Variants in TENM1 observed in about 807,000 individuals in gnomAD.
TENM1 encodes the protein teneurin transmembrane protein 1.
In TENM1, 35 loss-of-function variants were observed where a neutral mutation model predicts 174.8. The ratio of observed to expected loss-of-function variants is 0.20; its 90% CI spans 0.15 to 0.27. TENM1 has a LOEUF of 0.27. Among genes scored for constraint, TENM1 ranks in the 10% least tolerant of loss-of-function variants. TENM1 has a pLI of 1.00. For synonymous variants in TENM1, 781 were observed against 798.7 expected (o/e 0.98, Z 0.37); for missense variants, 1,633 against 2,130.1 (o/e 0.77, Z 4.59).
intron 3 of TENM1, among the ~76,000 whole-genome samples, chrX:124,756,971 C>G (rs1280186399): frequency 1.8e-5 from 2 of 112,182 alleles, no homozygotes; most frequent in African/African-American, 6.5e-5. Context: ...GGCAGTCTGC[C>G]CGTTCTCAGA....
Position 124,910,412 on chromosome X carries a change from A to G in TENM1, c.218-14171T>C, listed in dbSNP as rs745541412. Among the ~76,000 whole-genome samples, 15 of 112,312 alleles carry G rather than the reference A, an allele frequency of 1.3e-4. No homozygotes were observed. The South Asian group carries it at 5.6e-3, about 42-fold the overall frequency. ...ACACATTTTGGAAGGATGTGCAGGT[A>G]AAACAATCTATGAGGATTGCCCAAG... is the stretch of plus-strand genomic sequence containing the variant. On this transcript the variant is annotated intron_variant, in intron 1 of 31. Coordinates refer to ENST00000422452, the Ensembl canonical transcript of TENM1.
At chrX:125,159,105 A>T in the TENM1 span, among the ~76,000 whole-genome samples, 18 of 111,923 alleles carry the variant, frequency 1.6e-4, no homozygotes, top group Admixed American at 1.3e-3. Context: ...CAGTCAAAAA[A>T]GAAATTGGGT....
At chrX:124,827,527 G>C (rs1459167803) in intron 3 of TENM1, among the ~76,000 whole-genome samples, 2 of 111,818 alleles carry the variant, frequency 1.8e-5, no homozygotes, top group Non-Finnish European at 3.8e-5. Context: ...AAGTGAATCT[G>C]AGGAAATCCT....
At chrX:124,973,004 A>G in the TENM1 span, among the ~76,000 whole-genome samples, 1 of 112,389 alleles carries the variant, frequency 8.9e-6, no homozygotes, top group African/African-American at 3.2e-5. Context: ...GGACACAACT[A>G]GTTAGAGCTT....
At chrX:125,092,760 C>A in the TENM1 span, among the ~76,000 whole-genome samples, 1 of 111,874 alleles carries the variant, frequency 8.9e-6, no homozygotes, top group Non-Finnish European at 1.9e-5. Flanking sequence ...AATTAGCAAC[C>A]AACACACAGA....
chrX:124,583,869 C>T (rs1216248848), intron 11 of TENM1, among the ~76,000 whole-genome samples: 2 of 104,447 alleles, frequency 1.9e-5, no homozygotes, highest in South Asian at 4.7e-4. Flanking sequence ...AACCAAGGCT[C>T]GAGAACTACG....
At chrX:124,918,265 C>T (rs958424127) in intron 1 of TENM1, among the ~76,000 whole-genome samples, 2 of 109,549 alleles carry the variant, frequency 1.8e-5, no homozygotes, top group African/African-American at 6.7e-5. Context: ...TTGCAATCTC[C>T]GCCTCCCAGG....
At chrX:125,051,004 A>T in the TENM1 span, among the ~76,000 whole-genome samples, 1 of 112,120 alleles carries the variant, frequency 8.9e-6, no homozygotes, top group African/African-American at 3.2e-5. Context: ...GCAAAGTCTC[A>T]GGATACAAAA....
At chrX:125,191,139 T>G in the TENM1 span, among the ~76,000 whole-genome samples, 3 of 111,731 alleles carry the variant, frequency 2.7e-5, no homozygotes, top group Non-Finnish European at 5.7e-5. Context: ...GAAATGAAGT[T>G]TTTTCTTTAT....
chrX:124,495,818 C>T (rs2047186810), intron 20 of TENM1, among the ~76,000 whole-genome samples: 1 of 102,835 alleles, frequency 9.7e-6, no homozygotes, highest in Non-Finnish European at 2.0e-5. Context: ...AGATTCAATG[C>T]CATCCCCATC....
chrX:124,504,000 G>A (rs1228209954), intron 18 of TENM1, among the ~76,000 whole-genome samples: 2 of 111,607 alleles, frequency 1.8e-5, no homozygotes, highest in East Asian at 5.6e-4. Flanking sequence ...CTTTTGGGTT[G>A]GAGGCTGTGC....
At chrX:125,184,556 A>G in the TENM1 span, among the ~76,000 whole-genome samples, 4 of 111,820 alleles carry the variant, frequency 3.6e-5, no homozygotes, top group African/African-American at 1.3e-4. Context: ...TTTCTGATAC[A>G]GACTAATATC....
chrX:124,712,272 G>A (rs1057012158), intron 4 of TENM1, among the ~76,000 whole-genome samples: 9 of 110,908 alleles, frequency 8.1e-5, no homozygotes, highest in African/African-American at 3.0e-4. Context: ...CTTCCATACC[G>A]TTTTCCATAG....
At chrX:124,945,271 T>G (rs933490452) in intron 1 of TENM1, among the ~76,000 whole-genome samples, 1 of 111,036 alleles carries the variant, frequency 9.0e-6, no homozygotes, top group African/African-American at 3.3e-5. Flanking sequence ...AACAGAATGG[T>G]TGAGAAAGAG....
chrX:125,051,376 G>A, the TENM1 span, among the ~76,000 whole-genome samples: 4 of 109,281 alleles, frequency 3.7e-5, no homozygotes, highest in Admixed American at 9.7e-5. Flanking sequence ...AAAAGAGCCC[G>A]CATCGCCAAG....
chrX:124,620,429 TA>T (rs896781268), intron 11 of TENM1, among the ~76,000 whole-genome samples: 2 of 112,381 alleles, frequency 1.8e-5, no homozygotes, highest in African/African-American at 3.2e-5. Context: ...ATCTTTCCGT[TA>T]ATTCTGTACA....
the TENM1 span, among the ~76,000 whole-genome samples, chrX:125,108,725 T>C: frequency 1.1e-5 from 1 of 94,553 alleles, no homozygotes; most frequent in Non-Finnish European, 2.0e-5. Flanking sequence ...AATGATTATA[T>C]ATATATATAC....
At chrX:124,492,013 A>T (rs1174445156) in intron 20 of TENM1, among the ~76,000 whole-genome samples, 3 of 111,930 alleles carry the variant, frequency 2.7e-5, no homozygotes, top group African/African-American at 9.7e-5. Context: ...ATGCTCAAGT[A>T]TAAACCTGAA....
At chrX:125,078,851 C>A in the TENM1 span, among the ~76,000 whole-genome samples, 1 of 111,787 alleles carries the variant, frequency 8.9e-6, no homozygotes, top group Non-Finnish European at 1.9e-5. Flanking sequence ...CCAATATATT[C>A]TGAATGCTTA....
Sources: allele counts gnomAD v4.1 joint callset (sites outside exome capture counted in the v4.1 genomes callset), GRCh38; gene constraint gnomAD v4.1.1; transcripts MANE v1.5; gene names NCBI Gene and HGNC (gene_info 2026-07-23, HGNC 2026-07-21).